LYPLAL1: variants seen among roughly 807,000 people sequenced by gnomAD.
LYPLAL1 encodes lysophospholipase like 1.
Under a neutral mutation model 19.7 loss-of-function variants are expected in LYPLAL1, and 23 were observed. The ratio of observed to expected loss-of-function variants is 1.17; its 90% confidence interval spans 0.84 to 1.65. The LOEUF (loss-of-function observed/expected upper bound fraction) is 1.65. LYPLAL1 is among the 40% of genes most tolerant of loss of function. LYPLAL1 has a pLI of 0.00. For synonymous variants in LYPLAL1, 119 were observed against 96.3 expected (o/e 1.24, Z -1.38); for missense variants, 355 against 279.4 (o/e 1.27, Z -1.93).
At chr1:219,385,813 A>G in the LYPLAL1 span, among the ~76,000 whole-genome samples, 1 of 152,230 alleles carries the variant, frequency 6.6e-6, no homozygotes. Context: ...TGTATAAATT[A>G]CATACAGTTG....
the LYPLAL1 span, among the ~76,000 whole-genome samples, chr1:219,268,640 C>CA: frequency 0.47 from 71,164 of 151,664 alleles, 17,040 homozygotes; most frequent in East Asian, 0.66. Context: ...AAATAAAAAA[C>CA]AAGTCCATAT....
intron 1 of LYPLAL1, among the ~76,000 whole-genome samples, chr1:219,178,499 C>T (rs1655999076): frequency 6.6e-6 from 1 of 152,178 alleles, no homozygotes; most frequent in African/African-American, 2.4e-5. Flanking sequence ...ATTTCCTCCT[C>T]AGGACTCCAT....
At chr1:219,183,738 A>ATT (rs1656482697) in intron 2 of LYPLAL1, among the ~76,000 whole-genome samples, 1 of 151,802 alleles carries the variant, frequency 6.6e-6, no homozygotes, top group Non-Finnish European at 1.5e-5. Context: ...TATTTTTGGG[A>ATT]TTCATCTATA....
the LYPLAL1 span, among the ~76,000 whole-genome samples, chr1:219,287,350 T>C: frequency 3.6e-3 from 550 of 152,302 alleles, 3 homozygotes; most frequent in Non-Finnish European, 5.8e-3. Flanking sequence ...CTTATGCCAG[T>C]GCAATTAGGT....
the LYPLAL1 span, among the ~76,000 whole-genome samples, chr1:219,357,382 A>C: frequency 6.6e-6 from 1 of 152,202 alleles, no homozygotes; most frequent in African/African-American, 2.4e-5. Flanking sequence ...AACAGTAAGA[A>C]AACAAGGAAC....
Position 219,193,107 on chromosome 1 carries a change from A to C in LYPLAL1, c.217A>C (p.Ile73Leu), listed in dbSNP as rs773451608. The C allele has an allele frequency of 3.1e-6, 5 of 1,608,092 alleles. No individual in the cohort carries two copies. The South Asian group carries it at 3.3e-5, about 11-fold the overall frequency. The change falls in exon 3 of 5, where the codon ATC becomes CTC. Residue 73 changes from isoleucine to leucine, a missense_variant. Physicochemically the swap from Ile to Leu is conservative, Grantham distance 5. Coordinates refer to ENST00000366928, the MANE Select transcript of LYPLAL1 (RefSeq NM_138794.5). ...ATCATATACTCCTATGAAAGGAGGA[A>C]TCTCCAATGTATGGTTTGACAGATT... ...PRSYTPMKGG[I>L]SNVWFDRFKI...
the LYPLAL1 span, among the ~76,000 whole-genome samples, chr1:219,288,571 T>C: frequency 6.6e-6 from 1 of 152,344 alleles, no homozygotes; most frequent in Non-Finnish European, 1.5e-5. Context: ...AATGCTATAT[T>C]GATGAATACA....
chr1:219,434,659 G>A, the LYPLAL1 span, among the ~76,000 whole-genome samples: 2 of 152,138 alleles, frequency 1.3e-5, no homozygotes, highest in South Asian at 4.1e-4. Flanking sequence ...TTTCAATTCT[G>A]AAGGCTGAAT....
At chr1:219,301,714 T>C in the LYPLAL1 span, among the ~76,000 whole-genome samples, 1 of 152,160 alleles carries the variant, frequency 6.6e-6, no homozygotes, top group Admixed American at 6.5e-5. Flanking sequence ...TAAGATTCTT[T>C]AAAAATTTTA....
chr1:219,198,279 C>T (rs1221061268), intron 3 of LYPLAL1, among the ~76,000 whole-genome samples: 1 of 150,272 alleles, frequency 6.7e-6, no homozygotes, highest in South Asian at 2.1e-4. Context: ...ATTATAGGCA[C>T]CAAAAAAGAA....
the LYPLAL1 span, among the ~76,000 whole-genome samples, chr1:219,386,219 T>C: frequency 6.6e-6 from 1 of 152,222 alleles, no homozygotes; most frequent in African/African-American, 2.4e-5. Context: ...TGTTACACCC[T>C]TTCCTTGACA....
At chr1:219,244,815 T>C in the LYPLAL1 span, among the ~76,000 whole-genome samples, 1 of 149,434 alleles carries the variant, frequency 6.7e-6, no homozygotes, top group Non-Finnish European at 1.5e-5. Flanking sequence ...GACATCGTGG[T>C]GCATGCCTGT....
At chr1:219,290,036 G>A in the LYPLAL1 span, among the ~76,000 whole-genome samples, 10 of 152,294 alleles carry the variant, frequency 6.6e-5, no homozygotes, top group East Asian at 1.5e-3. Flanking sequence ...GCAAAATCCT[G>A]GAGGTTTGGC....
chr1:219,324,893 A>G, the LYPLAL1 span, among the ~76,000 whole-genome samples: 2 of 152,212 alleles, frequency 1.3e-5, no homozygotes, highest in Non-Finnish European at 1.5e-5. Context: ...TAAAAGTGCT[A>G]TAGCAAAGCT....
intron 2 of LYPLAL1, among the ~76,000 whole-genome samples, chr1:219,181,080 CG>C (rs1200242617): frequency 2.0e-5 from 3 of 151,850 alleles, no homozygotes; most frequent in African/African-American, 7.3e-5. Flanking sequence ...GGAAGAAATA[CG>C]TAAGATTGAT....
the LYPLAL1 span, among the ~76,000 whole-genome samples, chr1:219,359,294 G>A: frequency 6.6e-6 from 1 of 152,142 alleles, no homozygotes; most frequent in African/African-American, 2.4e-5. Flanking sequence ...TCACTTCAGT[G>A]TTCAACTCTT....
the LYPLAL1 span, among the ~76,000 whole-genome samples, chr1:219,366,559 C>T: frequency 8.5e-5 from 13 of 152,270 alleles, no homozygotes; most frequent in African/African-American, 2.6e-4. Context: ...CTATTTGGTA[C>T]ATGCCATTTT....
chr1:219,348,204 C>A, the LYPLAL1 span, among the ~76,000 whole-genome samples: 2 of 152,200 alleles, frequency 1.3e-5, no homozygotes, highest in Non-Finnish European at 2.9e-5. Flanking sequence ...AGAAGTCAGG[C>A]AAACCCCACT....
chr1:219,321,988 A>T, the LYPLAL1 span, among the ~76,000 whole-genome samples: 1 of 152,200 alleles, frequency 6.6e-6, no homozygotes, highest in Non-Finnish European at 1.5e-5. Flanking sequence ...AAAATCTGGA[A>T]CATAATGGAG....
Sources: gnomAD v4.1 joint callset for allele counts (sites outside exome capture counted in the v4.1 genomes callset) on GRCh38, gnomAD v4.1.1 for gene constraint, MANE v1.5 for transcripts, NCBI Gene and HGNC (gene_info 2026-07-23, HGNC 2026-07-21) for gene names.